SLC4A10: variants seen among roughly 807,000 people sequenced by gnomAD.
SLC4A10 encodes the protein sodium-driven chloride bicarbonate exchanger.
Under a neutral mutation model 137.7 loss-of-function variants are expected in SLC4A10, and 42 were observed. The ratio of observed to expected loss-of-function variants is 0.30; its 90% CI spans 0.24 to 0.39. The LOEUF is 0.39. Ranked by LOEUF, SLC4A10 falls within the 10% of genes least tolerant of loss-of-function variation. The probability of loss-of-function intolerance (pLI) is 1.00; values close to 1 mark genes in which losing one functional copy is unlikely to be tolerated. For missense variants in SLC4A10, 925 were observed against 1,355.0 expected, an observed-to-expected ratio of 0.68 and a Z score of 4.98; for synonymous variants, 474 against 464.1, an observed-to-expected ratio of 1.02 and a Z score of -0.27.
intron 1 of SLC4A10, among the ~76,000 whole-genome samples, chr2:161,641,039 A>G (rs1342591937): frequency 6.6e-6 from 1 of 152,130 alleles, no homozygotes; most frequent in East Asian, 1.9e-4. Context: ...TTTGGCCATG[A>G]CAATTTTCAA....
Position 161,702,545 on chromosome 2 carries a change from C to A in SLC4A10, c.49-68428C>A, listed in dbSNP as rs574964039. 4.8e-4 allele frequency among the ~76,000 whole-genome samples: 73 copies of A among 151,842 alleles called. 2 individuals carry two copies. In the South Asian group the frequency reaches 0.015, roughly 31 times the overall value. ...GGCTTTTTGGTCCTCCCAAGTTATT[C>A]CTTGGCTGAAGGTATATCTGATAGT... On this transcript the variant is annotated intron_variant, in intron 1 of 26. Transcript: ENST00000446997.
chr2:161,700,524 T>C (rs1574437791), intron 1 of SLC4A10, among the ~76,000 whole-genome samples: 1 of 152,174 alleles, frequency 6.6e-6, no homozygotes, highest in East Asian at 1.9e-4. Flanking sequence ...GGATCTTCCC[T>C]TAATAGTGAA....
intron 3 of SLC4A10, among the ~76,000 whole-genome samples, chr2:161,832,226 A>G (rs772716631): frequency 4.6e-5 from 7 of 152,164 alleles, no homozygotes; most frequent in Non-Finnish European, 1.0e-4. Context: ...ATGCAACACA[A>G]ATGATGATAC....
In SLC4A10 at chr2:161,777,085, AAATTTTTAATTTAAAAAAATTAAAATT is replaced by A. The variant is rs1433134889; in HGVS notation, c.130+6050_130+6076del. On this transcript the variant is annotated intron_variant, in intron 2 of 26. Coordinates refer to ENST00000446997, the MANE Select transcript of SLC4A10 (RefSeq NM_001178015.2). ...ACTTGAATAGACACTTAACCCTATC[AAATTTTTAATTTAAAAAAATTAAAATT>A]AATTTTTAATTTAAAAAAGTTAAAA... 2.5e-4 allele frequency among the ~76,000 whole-genome samples: 38 copies of A among 151,712 alleles called. No homozygotes were observed. The Middle Eastern group carries it at 0.014, about 54-fold the overall frequency.
At chr2:161,977,401 A>G (rs1236276661) in intron 25 of SLC4A10, 1 of 477,244 alleles carries the variant, frequency 2.1e-6, no homozygotes, top group Non-Finnish European at 4.0e-6. Context: ...CTCTGTGTGT[A>G]AATGTACAAA....
intron 15 of SLC4A10, among the ~76,000 whole-genome samples, chr2:161,917,912 C>T (rs1005823240): frequency 2.6e-5 from 4 of 152,162 alleles, no homozygotes; most frequent in African/African-American, 7.2e-5. Context: ...ATCTCCTCTA[C>T]TCAGAGCTAA....
At chr2:161,719,749 GT>G (rs2045409578) in intron 1 of SLC4A10, among the ~76,000 whole-genome samples, 2 of 152,016 alleles carry the variant, frequency 1.3e-5, no homozygotes, top group African/African-American at 2.4e-5. Flanking sequence ...TGATGGGGTT[GT>G]TTTTTTCTTG....
chr2:161,757,122 G>A (rs1574800311), intron 1 of SLC4A10, among the ~76,000 whole-genome samples: 1 of 152,120 alleles, frequency 6.6e-6, no homozygotes, highest in Non-Finnish European at 1.5e-5. Flanking sequence ...CTACTAGAGG[G>A]TGGGGAGCTG....
At chr2:161,980,266 C>G (rs1559681629) in intron 26 of SLC4A10, among the ~76,000 whole-genome samples, 1 of 152,122 alleles carries the variant, frequency 6.6e-6, no homozygotes, top group Non-Finnish European at 1.5e-5. Context: ...CCTGCACTCC[C>G]CCACCACCTT....
intron 10 of SLC4A10, among the ~76,000 whole-genome samples, chr2:161,894,093 A>G (rs773898890): frequency 6.6e-6 from 1 of 152,142 alleles, no homozygotes; most frequent in Middle Eastern, 3.4e-3. Flanking sequence ...TGCATAGGTT[A>G]TGTGCAAATA....
chr2:161,815,607 A>C (rs948032502), intron 3 of SLC4A10, among the ~76,000 whole-genome samples: 1 of 152,164 alleles, frequency 6.6e-6, no homozygotes, highest in Admixed American at 6.6e-5. Flanking sequence ...ATTGCTTATC[A>C]AACCTTCTGG....
At chr2:161,801,980 A>C (rs1289854557) in intron 2 of SLC4A10, among the ~76,000 whole-genome samples, 1 of 152,124 alleles carries the variant, frequency 6.6e-6, no homozygotes, top group Non-Finnish European at 1.5e-5. Flanking sequence ...TATTGTGGTC[A>C]ATAAAATAAT....
At chr2:161,945,449 G>C (rs1308070351) in intron 16 of SLC4A10, among the ~76,000 whole-genome samples, 1 of 151,416 alleles carries the variant, frequency 6.6e-6, no homozygotes, top group East Asian at 1.9e-4. Flanking sequence ...GAATGTGTTT[G>C]AAGAGTAATT....
At position 161,860,808 on chromosome 2, in the gene SLC4A10, CA is replaced by C. The variant is rs557723535; in HGVS notation, c.578-2061del. On this transcript the variant is annotated intron_variant, in intron 5 of 26. Transcript: ENST00000446997. The stretch of plus-strand genomic sequence containing the variant: ...TTTCTACCTCTTTCCATTGTAAACA[CA>C]AAAATGATAGAGCACACTATATCCC... 5.3e-5 allele frequency among the ~76,000 whole-genome samples: 8 copies of C among 152,210 alleles called. No individual in the cohort carries two copies. The South Asian group carries it at 1.5e-3, about 28-fold the overall frequency.
At chr2:161,839,663 A>G (rs2059052443) in intron 3 of SLC4A10, 126 bp from the exon 4 acceptor site, 2 of 942,182 alleles carry the variant, frequency 2.1e-6, no homozygotes, top group Non-Finnish European at 1.6e-6. Flanking sequence ...TGCAGTGGGG[A>G]GCAGGGGAGG....
intron 15 of SLC4A10, among the ~76,000 whole-genome samples, chr2:161,914,559 A>G (rs1452466903): frequency 6.6e-6 from 1 of 152,198 alleles, no homozygotes; most frequent in East Asian, 1.9e-4. Flanking sequence ...ATGGTCTATA[A>G]AACTTGTTCT....
At chr2:161,935,743 T>G (rs1691468295) in intron 15 of SLC4A10, among the ~76,000 whole-genome samples, 1 of 152,126 alleles carries the variant, frequency 6.6e-6, no homozygotes. Context: ...ATAATTTTCT[T>G]TCTTTCTTTC....
At chr2:161,982,982 CA>C (rs1553655205) in intron 26 of SLC4A10, among the ~76,000 whole-genome samples, 196 bp from the exon 27 acceptor site, 3 of 152,142 alleles carry the variant, frequency 2.0e-5, no homozygotes, top group Non-Finnish European at 4.4e-5. Flanking sequence ...CCCTTCTCTG[CA>C]GTTCTTGGTT....
At chr2:161,911,704 G>A (rs1181768722) in intron 15 of SLC4A10, among the ~76,000 whole-genome samples, 3 of 151,942 alleles carry the variant, frequency 2.0e-5, no homozygotes, top group African/African-American at 7.2e-5. Context: ...GCAGATCTAT[G>A]TACCTACTGT....
Sources: allele counts gnomAD v4.1 joint callset (sites outside exome capture counted in the v4.1 genomes callset), GRCh38; gene constraint gnomAD v4.1.1; transcripts MANE v1.5; gene names NCBI Gene and HGNC (gene_info 2026-07-23, HGNC 2026-07-21).